The following TTLL7 variants were observed in gnomAD, a reference collection of about 807,000 sequenced individuals.
TTLL7 encodes the protein tubulin polyglutamylase TTLL7.
Under a neutral mutation model 120.2 loss-of-function variants are expected in TTLL7, and 53 were observed. The ratio of observed to expected loss-of-function variants is 0.44; its 90% CI spans 0.35 to 0.55. The LOEUF is 0.55. Among genes scored for constraint, TTLL7 ranks in the 20% least tolerant of loss-of-function variants. The pLI, the probability that TTLL7 is intolerant of heterozygous loss-of-function variation, is 0.00. For synonymous variants in TTLL7, 353 were observed against 351.7 expected, an observed-to-expected ratio of 1.00 and a Z score of -0.04; for missense variants, 803 against 1,054.7, an observed-to-expected ratio of 0.76 and a Z score of 3.31.
chr1:83,962,668 G>A (rs566469009), intron 1 of TTLL7, among the ~76,000 whole-genome samples: 6 of 152,182 alleles, frequency 3.9e-5, no homozygotes, highest in Non-Finnish European at 5.9e-5. Context: ...ACAGGTATAC[G>A]TGGCCTGGCC....
At chr1:83,925,538 T>C (rs1659038795) in intron 10 of TTLL7, among the ~76,000 whole-genome samples, 1 of 152,154 alleles carries the variant, frequency 6.6e-6, no homozygotes, top group Non-Finnish European at 1.5e-5. Flanking sequence ...AGGAGAAAGA[T>C]AAGAAGTTTT....
chr1:83,968,515 C>A (rs1428446655), intron 1 of TTLL7, among the ~76,000 whole-genome samples: 1 of 152,160 alleles, frequency 6.6e-6, no homozygotes, highest in East Asian at 1.9e-4. Flanking sequence ...CAGCTAAATT[C>A]CAAGCTGAAG....
chr1:83,904,131 G>A lies in TTLL7; in HGVS notation c.2156C>T (p.Thr719Ile). The A allele has an allele frequency of 6.2e-7, 1 of 1,612,012 alleles. No homozygotes were observed. The highest frequency in any genetic ancestry group is 8.5e-7 in the Non-Finnish European group (1 of 1,178,918). ...TATGAGCCAATATGAAGCCACTTTG[G>A]TTTTATGATACTTCCAGTTATCAAT... is the stretch of plus-strand genomic sequence containing the variant. ...DIIDNWKYHK[T>I]KVASYWLIKL... Residue 719 changes from threonine to isoleucine, a missense_variant, in exon 18 of 21, where the codon ACC (threonine) becomes ATC (isoleucine). This residue lies in a region of TTLL7 where 388 missense variants were observed against 450.4 expected (regional missense o/e 0.86). Coordinates refer to ENST00000260505, the MANE Select transcript of TTLL7 (RefSeq NM_024686.6).
chr1:83,915,007 T>C (rs1357924901), intron 14 of TTLL7, among the ~76,000 whole-genome samples: 3 of 152,146 alleles, frequency 2.0e-5, no homozygotes, highest in Non-Finnish European at 4.4e-5. Flanking sequence ...AACTGCTCTA[T>C]AAAAGTGTTA....
At position 83,887,340 on chromosome 1, in the gene TTLL7, T is replaced by C. The variant is rs570304519; in HGVS notation, c.2369+2981A>G. 104 of 698,158 alleles carry C rather than the reference T, an allele frequency of 1.5e-4. 2 individuals carry two copies. In the African/African-American group the frequency reaches 1.9e-3, roughly 13 times the overall value. The allele number at this position is 698,158 out of a possible 1,614,324, so 43.2% of individuals were successfully genotyped here. On this transcript the variant is annotated intron_variant, in intron 19 of 20. Transcript: ENST00000260505. ...ATCATTCCTTAAAAACTGAGAAGAG[T>C]AGATTTTCACCATGACCATTAGGCC...
rs187100434 is a variant in TTLL7, at chr1:83,988,853, C to T, written c.-177+10078G>A. Among the ~76,000 whole-genome samples, 13 of 152,108 alleles carry T rather than the reference C, an allele frequency of 8.5e-5. No individual in the cohort carries two copies. The East Asian group carries it at 2.3e-3, about 27-fold the overall frequency. The stretch of plus-strand genomic sequence containing the variant: ...CCTCCCAAGTAGCTGGAACTAGAGG[C>T]GTGCACCCACCACGCCCAGCTAATT... On this transcript the variant is annotated intron_variant, in intron 1 of 20. Coordinates refer to ENST00000260505, the MANE Select transcript of TTLL7 (RefSeq NM_024686.6).
chr1:83,959,729 T>A (rs573638881), intron 1 of TTLL7, among the ~76,000 whole-genome samples: 1 of 151,728 alleles, frequency 6.6e-6, no homozygotes, highest in African/African-American at 2.4e-5. Context: ...AGTAAAAAAA[T>A]TGTAGAGGGA....
intron 1 of TTLL7, among the ~76,000 whole-genome samples, chr1:83,994,503 G>A (rs914346443): frequency 1.3e-5 from 2 of 152,218 alleles, no homozygotes; most frequent in African/African-American, 4.8e-5. Context: ...AATGAATAGA[G>A]GAAACTGAAG....
At position 83,907,539 on chromosome 1, in the gene TTLL7, G is replaced by T; in HGVS notation, c.1909C>A (p.Arg637=). 1 of 1,613,370 alleles carries T rather than the reference G, an allele frequency of 6.2e-7. No homozygotes were observed. Among genetic ancestry groups the T allele is most frequent in the East Asian group, 2.2e-5 (1 of 44,856 alleles). ...ISVSRPTSAS[R]SHSLNRASSY... is the part of the protein sequence containing the mutation. Reference sequence around the variant, plus strand: ...GAAGCACGGTTTAAGGAATGTGACCGAGATGCAGAAGTTGGCCGTGACACA... The same window carrying T: ...GAAGCACGGTTTAAGGAATGTGACCTAGATGCAGAAGTTGGCCGTGACACA... Residue 637 remains arginine (R), a synonymous_variant, in exon 16 of 21, where the codon CGG becomes AGG. Transcript: ENST00000260505.
Position 83,907,512 on chromosome 1 carries a change from A to C in TTLL7, c.1936T>G (p.Ser646Ala), listed in dbSNP as rs777286479. Reference protein sequence around the residue: ...SRSHSLNRASSYMRHLPHSND... With the variant: ...SRSHSLNRASAYMRHLPHSND... ...CTGTGAGGCAGATGCCTCATGTAGG[A>C]GGAAGCACGGTTTAAGGAATGTGAC... Residue 646 changes from serine (S) to alanine (A), a missense_variant, in exon 16 of 21, where the codon TCC (serine) becomes GCC (alanine). By Grantham distance (99) the Ser-to-Ala change is moderately conservative. This residue lies in a region of TTLL7 where 388 missense variants were observed against 450.4 expected (regional missense o/e 0.86). Transcript: ENST00000260505. The C allele has an allele frequency of 2.5e-6, 4 of 1,613,060 alleles. No homozygotes were observed. In the African/African-American group the frequency reaches 5.3e-5, roughly 22 times the overall value.
chr1:83,945,701 T>C (rs1198417063), intron 6 of TTLL7, among the ~76,000 whole-genome samples: 1 of 151,996 alleles, frequency 6.6e-6, no homozygotes, highest in Non-Finnish European at 1.5e-5. Flanking sequence ...TATATTGCCA[T>C]CAAAATAAAT....
At chr1:83,892,047 T>C (rs909655730) in intron 18 of TTLL7, among the ~76,000 whole-genome samples, 4 of 151,736 alleles carry the variant, frequency 2.6e-5, no homozygotes, top group Admixed American at 2.0e-4. Context: ...CAGGCTGGTC[T>C]TGAACTCCTG....
chr1:83,924,572 G>C (rs1407346494), intron 10 of TTLL7, among the ~76,000 whole-genome samples: 1 of 152,164 alleles, frequency 6.6e-6, no homozygotes, highest in Non-Finnish European at 1.5e-5. Context: ...TGGGGAGAGG[G>C]AGGAATGAGG....
At chr1:83,990,950 G>A (rs1031083863) in intron 1 of TTLL7, among the ~76,000 whole-genome samples, 7 of 152,204 alleles carry the variant, frequency 4.6e-5, no homozygotes, top group Admixed American at 1.3e-4. Context: ...CAACACAACT[G>A]TCCATGGATG....
At chr1:83,915,035 G>C (rs374116706) in intron 14 of TTLL7, among the ~76,000 whole-genome samples, 3 of 152,174 alleles carry the variant, frequency 2.0e-5, no homozygotes, top group African/African-American at 7.2e-5. Flanking sequence ...AACAGCAGGA[G>C]AAAGAAAGAA....
chr1:83,976,656 A>G (rs1294512000), intron 1 of TTLL7, among the ~76,000 whole-genome samples: 1 of 152,132 alleles, frequency 6.6e-6, no homozygotes, highest in African/African-American at 2.4e-5. Context: ...CAAAGATGAC[A>G]TCAAAGGAGA....
chr1:83,978,327 C>T lies in TTLL7; in HGVS notation c.-177+20604G>A, dbSNP rs141711949. On this transcript the variant is annotated intron_variant, in intron 1 of 20. Transcript: ENST00000260505. ...CTTCCCAATCCTTTTTAGCTAGCTC[C>T]TCACAAACAGATGAGAAACCACTAA... is the stretch of plus-strand genomic sequence containing the variant. 8.3e-3 allele frequency among the ~76,000 whole-genome samples: 1,259 copies of T among 152,240 alleles called. 16 individuals are homozygous for T. Among genetic ancestry groups the T allele is most frequent in the African/African-American group, 0.029 (1,215 of 41,540 alleles).
At chr1:83,978,707 C>A (rs1651707951) in intron 1 of TTLL7, among the ~76,000 whole-genome samples, 1 of 152,002 alleles carries the variant, frequency 6.6e-6, no homozygotes, top group South Asian at 2.1e-4. Context: ...GGTACTTTGG[C>A]ACTTGGAAAA....
intron 6 of TTLL7, 84 bp downstream of exon 6, chr1:83,947,040 A>T: frequency 9.2e-7 from 1 of 1,083,990 alleles, no homozygotes; most frequent in Non-Finnish European, 1.3e-6. Context: ...ATTGGTACTC[A>T]CGCATGAGTA....
Sources: gnomAD v4.1 joint callset for allele counts (sites outside exome capture counted in the v4.1 genomes callset) on GRCh38, gnomAD v4.1.1 for gene constraint, gnomAD v4.1.1 regional missense constraint, MANE v1.5 for transcripts, NCBI Gene and HGNC (gene_info 2026-07-23, HGNC 2026-07-21) for gene names.